Variants in SNX25 observed in about 807,000 individuals in gnomAD.
The protein encoded by SNX25 is sorting nexin-25.
A neutral mutation model predicts 113.7 loss-of-function variants in SNX25; 62 were observed. The observed-to-expected ratio is 0.55, with a 90% CI of 0.44 to 0.67. The LOEUF is 0.67. SNX25 is among the 30% of genes least tolerant of loss of function. The pLI is 0.00. For synonymous variants in SNX25, 421 were observed against 436.2 expected, an observed-to-expected ratio of 0.97 and a Z score of 0.43; for missense variants, 1,014 against 1,161.0, an observed-to-expected ratio of 0.87 and a Z score of 1.84.
At chr4:185,341,383 C>T (rs891310923) in intron 11 of SNX25, among the ~76,000 whole-genome samples, 4 of 152,338 alleles carry the variant, frequency 2.6e-5, no homozygotes, top group African/African-American at 9.6e-5. Flanking sequence ...TATTTGATGG[C>T]TGTTTGCTTG....
At chr4:185,358,024 G>A (rs1221246846) in intron 16 of SNX25, among the ~76,000 whole-genome samples, 1 of 152,192 alleles carries the variant, frequency 6.6e-6, no homozygotes, top group Non-Finnish European at 1.5e-5. Flanking sequence ...TAATCATGAC[G>A]ACGAGTTTGA....
Position 185,342,231 on chromosome 4 carries a change from G to A in SNX25, c.2187+115G>A, listed in dbSNP as rs1268837653. 4.1e-6 allele frequency: 5 copies of A among 1,224,088 alleles called. No homozygotes were observed. The Admixed American group carries it at 1.2e-4, about 30-fold the overall frequency. 75.8% of individuals were successfully genotyped at this position (1,224,088 alleles called of 1,614,324 possible). ...CTTTGCTGTTGATACTGGCACAGTGGCATTTTCATCCTGACATTTGGAAAT... is the reference window on the plus strand; with the variant it reads ...CTTTGCTGTTGATACTGGCACAGTGACATTTTCATCCTGACATTTGGAAAT... On this transcript the variant is annotated intron_variant, in intron 12 of 18. Transcript: ENST00000652585.
Position 185,353,611 on chromosome 4 carries a change from C to G in SNX25, c.2584+9C>G. 1 of 1,602,180 alleles carries G rather than the reference C, an allele frequency of 6.2e-7. No individual in the cohort carries two copies. The highest frequency in any genetic ancestry group is 8.6e-7 in the Non-Finnish European group (1 of 1,169,142). On this transcript the variant is annotated intron_variant, in intron 15 of 18. Coordinates refer to ENST00000652585, the MANE Select transcript of SNX25 (RefSeq NM_001378034.2). ...TTTTGAACTTCGAGGAAGTAAGCTTCTTTGTTATTATTTAGTGGTATTTGC... is the reference window on the plus strand; with the variant it reads ...TTTTGAACTTCGAGGAAGTAAGCTTGTTTGTTATTATTTAGTGGTATTTGC...
intron 5 of SNX25, among the ~76,000 whole-genome samples, chr4:185,280,951 T>C (rs780791327): frequency 1.3e-5 from 2 of 152,218 alleles, no homozygotes; most frequent in Admixed American, 6.5e-5. Flanking sequence ...CCACCCAACA[T>C]TGACCGCTTT....
At chr4:185,239,867 A>G (rs1472576702) in intron 1 of SNX25, among the ~76,000 whole-genome samples, 2 of 147,966 alleles carry the variant, frequency 1.4e-5, no homozygotes, top group East Asian at 4.0e-4. Context: ...AGGTCAGCAG[A>G]TAAGTGAACA....
chr4:185,341,256 A>G (rs2095258667), intron 11 of SNX25, among the ~76,000 whole-genome samples: 1 of 152,188 alleles, frequency 6.6e-6, no homozygotes, highest in Admixed American at 6.5e-5. Flanking sequence ...CTCAGTTGGG[A>G]GGTAAAGGAA....
At chr4:185,231,095 T>C (rs1255418129) in intron 1 of SNX25, among the ~76,000 whole-genome samples, 1 of 96,300 alleles carries the variant, frequency 1.0e-5, no homozygotes, top group Non-Finnish European at 2.2e-5. Flanking sequence ...CTTTTTTCCT[T>C]TTTTTTGTTT....
intron 10 of SNX25, among the ~76,000 whole-genome samples, chr4:185,337,462 A>T (rs1017769210): frequency 6.6e-6 from 1 of 151,844 alleles, no homozygotes; most frequent in African/African-American, 2.4e-5. Flanking sequence ...TTACATGTTT[A>T]TACCACATTT....
chr4:185,288,978 G>A (rs1374630691), intron 6 of SNX25, among the ~76,000 whole-genome samples: 1 of 152,204 alleles, frequency 6.6e-6, no homozygotes, highest in Non-Finnish European at 1.5e-5. Flanking sequence ...ATTAAAGCAT[G>A]CTTTCAGGTT....
At chr4:185,361,846 C>G in intron 16 of SNX25, 78 bp from the exon 17 acceptor site, 2 of 1,380,194 alleles carry the variant, frequency 1.4e-6, no homozygotes, top group Non-Finnish European at 2.0e-6. Context: ...TCTTAACCTT[C>G]GTATTGATAA....
intron 6 of SNX25, among the ~76,000 whole-genome samples, chr4:185,307,372 T>A (rs1270409409): frequency 1.3e-5 from 2 of 152,106 alleles, no homozygotes; most frequent in Non-Finnish European, 2.9e-5. Flanking sequence ...CTCCAGAGAG[T>A]GTGCTCTCAC....
chr4:185,258,161 C>G lies in SNX25; in HGVS notation c.515-687C>G, dbSNP rs538399902. ...ATCCAGGCCTTGGAGAAGGCACAAC[C>G]TTGGCCCAGTTGATGGTGAAGAAGC... On this transcript the variant is annotated intron_variant, in intron 2 of 18. Coordinates refer to ENST00000652585, the MANE Select transcript of SNX25 (RefSeq NM_001378034.2). 5.3e-5 allele frequency among the ~76,000 whole-genome samples: 8 copies of G among 152,278 alleles called. No homozygotes were observed. In the East Asian group the frequency reaches 1.3e-3, roughly 26 times the overall value.
intron 1 of SNX25, among the ~76,000 whole-genome samples, chr4:185,217,266 G>A (rs1249983338): frequency 5.6e-5 from 8 of 143,962 alleles, no homozygotes; most frequent in African/African-American, 1.8e-4. Context: ...AAAAAAAAAA[G>A]AGAAATACTG....
chr4:185,207,512 C>T (rs1457926208), upstream of SNX25, among the ~76,000 whole-genome samples: 1 of 152,160 alleles, frequency 6.6e-6, no homozygotes, highest in Admixed American at 6.5e-5. Flanking sequence ...GCCACCACGC[C>T]TGGCCAACTA....
intron 6 of SNX25, among the ~76,000 whole-genome samples, chr4:185,298,695 G>T (rs1753203508): frequency 6.6e-6 from 1 of 152,020 alleles, no homozygotes. Context: ...CTGATTCCTT[G>T]TGCCTTGTAT....
chr4:185,224,275 C>A (rs1032057578), intron 1 of SNX25, among the ~76,000 whole-genome samples: 1 of 151,268 alleles, frequency 6.6e-6, no homozygotes, highest in Non-Finnish European at 1.5e-5. Context: ...TGCTTGAACC[C>A]AGGAAGCAGA....
intron 14 of SNX25, chr4:185,353,275 TAGC>T: frequency 9.0e-6 from 4 of 446,074 alleles, no homozygotes; most frequent in Middle Eastern, 5.8e-4. Flanking sequence ...TTTTTTAAAT[TAGC>T]TTATTTTAAG....
intron 1 of SNX25, among the ~76,000 whole-genome samples, chr4:185,242,067 C>G (rs879524825): frequency 7.9e-6 from 1 of 126,346 alleles, no homozygotes; most frequent in East Asian, 2.8e-4. Flanking sequence ...CCCTTTTGAC[C>G]TGAAAGAAAT....
At chr4:185,341,889 A>G in intron 11 of SNX25, 87 bp from the exon 12 acceptor site, 1 of 1,405,116 alleles carries the variant, frequency 7.1e-7, no homozygotes, top group Non-Finnish European at 9.5e-7. Flanking sequence ...GGGGAGGGAA[A>G]TCTCCTTAGG....
Sources: allele counts gnomAD v4.1 joint callset (sites outside exome capture counted in the v4.1 genomes callset), GRCh38; gene constraint gnomAD v4.1.1; transcripts MANE v1.5; gene names NCBI Gene and HGNC (gene_info 2026-07-23, HGNC 2026-07-21).